Variants in PERM1 observed in about 807,000 individuals in gnomAD.
The protein encoded by PERM1 is PPARGC1 and ESRR induced regulator, muscle 1, also known as PGC-1 and ERR-induced regulator in muscle protein 1.
Under a neutral mutation model 44.1 loss-of-function variants are expected in PERM1, and 45 were observed. The ratio of observed to expected loss-of-function variants is 1.02; its 90% CI spans 0.80 to 1.31. The LOEUF (loss-of-function observed/expected upper bound fraction) is 1.31. Among genes scored for constraint, PERM1 ranks in the 50% most tolerant of loss-of-function variants. PERM1 has a pLI of 0.00. For missense variants in PERM1, 1,189 were observed against 1,106.9 expected, an observed-to-expected ratio of 1.07 and a Z score of -1.05; for synonymous variants, 565 against 477.1, an observed-to-expected ratio of 1.18 and a Z score of -2.40.
chr1:978,141 C>G (rs1174415724), intron 1 of PERM1, among the ~76,000 whole-genome samples: 1 of 129,894 alleles, frequency 7.7e-6, no homozygotes, highest in Admixed American at 7.7e-5. Context: ...CCGGGAACCG[C>G]CTGCCTCCCC....
At chr1:976,188 GGGCTGT>G in exon 3 of PERM1, 3 of 1,545,602 alleles carry the variant, frequency 1.9e-6, no homozygotes, top group Non-Finnish European at 2.6e-6. Flanking sequence ...GCTGGGGCTG[GGGCTGT>G]GGCTGCGGCG....
exon 1 of PERM1, chr1:980,021 G>A: frequency 6.5e-7 from 1 of 1,549,208 alleles, no homozygotes; most frequent in Non-Finnish European, 8.7e-7. Context: ...TCAGGTTGCG[G>A]CTCAGAGGCA....
At chr1:979,094 G>T in exon 1 of PERM1, 3 of 1,549,416 alleles carry the variant, frequency 1.9e-6, no homozygotes, top group Non-Finnish European at 2.6e-6. Flanking sequence ...CCAGGTATGG[G>T]GGCCGGCACA....
exon 1 of PERM1, chr1:980,003 T>C (rs1357828626): frequency 6.5e-7 from 1 of 1,549,080 alleles, no homozygotes. Context: ...GACACAGCCA[T>C]GTCCGTGTCA....
chr1:980,473 C>G, exon 1 of PERM1: 1 of 1,523,130 alleles, frequency 6.6e-7, no homozygotes, highest in Non-Finnish European at 8.8e-7. Flanking sequence ...ACCCACAGCT[C>G]GCCTCTTCTT....
exon 1 of PERM1, chr1:978,960 C>G: frequency 6.6e-7 from 1 of 1,506,742 alleles, no homozygotes; most frequent in Non-Finnish European, 8.9e-7. Context: ...CCTCGGAGGC[C>G]GACCGGGGAG....
chr1:980,959 TCATCGG>T, exon 1 of PERM1: 2 of 1,462,656 alleles, frequency 1.4e-6, no homozygotes, highest in Non-Finnish European at 1.8e-6. Context: ...GAGGCCACAC[TCATCGG>T]CGGTGGCTGA....
exon 2 of PERM1, chr1:976,562 C>G: frequency 6.5e-7 from 1 of 1,549,598 alleles, no homozygotes; most frequent in Non-Finnish European, 8.7e-7. Flanking sequence ...GCAAAAGCTA[C>G]AAACACCAGG....
chr1:979,248 C>T (rs567413727), exon 1 of PERM1: 17 of 1,550,028 alleles, frequency 1.1e-5, no homozygotes, highest in African/African-American at 8.2e-5. Context: ...CCTCTTCGTT[C>T]TCCTCGATGG....
At chr1:981,729 C>T (rs1445713348), upstream of PERM1, among the ~76,000 whole-genome samples, 2 of 152,240 alleles carry the variant, frequency 1.3e-5, no homozygotes, top group South Asian at 4.1e-4. Context: ...CTTGACCCAG[C>T]AGCCACCTCG....
At chr1:976,317 A>C (rs1176405108) in intron 2 of PERM1, 48 bp from the exon 4 acceptor site, 2 of 1,467,356 alleles carry the variant, frequency 1.4e-6, no homozygotes, top group Non-Finnish European at 1.8e-6. Flanking sequence ...GGCTGTCGGC[A>C]CCGTCTGCCC....
At chr1:980,092 A>G (rs1184519810) in exon 1 of PERM1, 1 of 1,549,962 alleles carries the variant, frequency 6.5e-7, no homozygotes, top group Non-Finnish European at 8.7e-7. Context: ...AGACACAGCC[A>G]TGTCCCTGTC....
At chr1:978,954 G>C in exon 1 of PERM1, 2 of 1,506,004 alleles carry the variant, frequency 1.3e-6, no homozygotes, top group East Asian at 5.0e-5. Context: ...CCGCCCCCTC[G>C]GAGGCCGACC....
In PERM1 at chr1:976,685, C is replaced by G. The variant is rs927408699; in HGVS notation, c.2150-61G>C. The G allele has an allele frequency of 2.6e-6, 4 of 1,537,882 alleles. No homozygotes were observed. The African/African-American group carries it at 5.5e-5, about 21-fold the overall frequency. ...ACTCAGAGATGGCCCCGCACACGCCCGCCCCGGGAACCGCCTGCCCCCACC... is the reference window on the plus strand; with the variant it reads ...ACTCAGAGATGGCCCCGCACACGCCGGCCCCGGGAACCGCCTGCCCCCACC... On this transcript the variant is annotated intron_variant, in intron 1 of 2. Coordinates refer to ENST00000433179, the Ensembl canonical transcript of PERM1.
chr1:979,710 C>T, exon 1 of PERM1: 2 of 1,550,296 alleles, frequency 1.3e-6, no homozygotes, highest in East Asian at 2.4e-5. Flanking sequence ...GCCCGCTGGA[C>T]TCGGTCATCC....
At position 980,085 on chromosome 1, in the gene PERM1, C is replaced by CA. The variant is rs1208817374; in HGVS notation, c.944dup (p.Ser316ValfsTer10). On this transcript the variant is annotated frameshift_variant, in exon 1 of 3. Transcript: ENST00000433179. LOFTEE classifies it high-confidence loss of function. ...ATTGCGGCTCGGAGGCAGGTGTAGA[C>CA]ACAGCCATGTCCCTGTCAGGTTGCG... 1.3e-6 allele frequency: 2 copies of CA among 1,549,748 alleles called. No homozygotes were observed. The highest frequency in any genetic ancestry group is 2.7e-5 in the African/African-American group (2 of 72,918).
At chr1:981,260 G>A, upstream of PERM1, 1 of 1,407,830 alleles carries the variant, frequency 7.1e-7, no homozygotes, top group Non-Finnish European at 9.6e-7. Flanking sequence ...AAGATCCCCA[G>A]CTCCCATGAC....
chr1:980,611 C>T, exon 1 of PERM1: 1 of 1,447,780 alleles, frequency 6.9e-7, no homozygotes, highest in African/African-American at 1.4e-5. Flanking sequence ...CTGCAGAAGC[C>T]TCTGCATCTG....
exon 1 of PERM1, chr1:980,295 C>T (rs770876589): frequency 3.2e-6 from 5 of 1,550,360 alleles, no homozygotes; most frequent in African/African-American, 1.4e-5. Flanking sequence ...GTCTGTCTTC[C>T]TGCACAGGGG....
Sources: allele counts gnomAD v4.1 joint callset (sites outside exome capture counted in the v4.1 genomes callset), GRCh38; gene constraint gnomAD v4.1.1; transcripts MANE v1.5; gene names NCBI Gene and HGNC (gene_info 2026-07-23, HGNC 2026-07-21).